SPAG16: variants seen among roughly 807,000 people sequenced by gnomAD.
SPAG16 encodes sperm-associated antigen 16 protein.
In SPAG16, 86 loss-of-function variants were observed where a neutral mutation model predicts 80.4. That is an observed-to-expected ratio of 1.07 (90% CI 0.90 to 1.28). The LOEUF (loss-of-function observed/expected upper bound fraction) is 1.28. SPAG16 is among the 50% of genes most tolerant of loss of function. The pLI is 0.00. For synonymous variants in SPAG16, 294 were observed against 265.9 expected, an observed-to-expected ratio of 1.11 and a Z score of -1.03; for missense variants, 870 against 765.3, an observed-to-expected ratio of 1.14 and a Z score of -1.61.
At chr2:214,140,829 C>T (rs1370874226) in intron 14 of SPAG16, among the ~76,000 whole-genome samples, 2 of 149,572 alleles carry the variant, frequency 1.3e-5, no homozygotes, top group Non-Finnish European at 3.0e-5. Flanking sequence ...ATTGTTTCTG[C>T]TTGTTTTTAA....
chr2:213,648,603 C>G (rs2062911393), intron 10 of SPAG16, among the ~76,000 whole-genome samples: 1 of 152,066 alleles, frequency 6.6e-6, no homozygotes, highest in Non-Finnish European at 1.5e-5. Flanking sequence ...CAGACACACA[C>G]ACACACACAC....
chr2:214,338,008 C>T (rs377420152), intron 15 of SPAG16, among the ~76,000 whole-genome samples: 33 of 151,886 alleles, frequency 2.2e-4, no homozygotes, highest in Admixed American at 8.5e-4. Flanking sequence ...TCTAAACTGG[C>T]GGAAATAACA....
chr2:213,712,346 A>G (rs145773967), intron 10 of SPAG16, among the ~76,000 whole-genome samples: 80 of 152,274 alleles, frequency 5.3e-4, no homozygotes, highest in South Asian at 2.9e-3. Flanking sequence ...ACATTGTTCT[A>G]TATCCTTTGA....
intron 10 of SPAG16, among the ~76,000 whole-genome samples, chr2:213,739,641 G>A (rs954770778): frequency 4.0e-5 from 6 of 151,828 alleles, no homozygotes; most frequent in Non-Finnish European, 7.4e-5. Flanking sequence ...TTGCTTTGTC[G>A]CCCAGGCTGG....
chr2:214,301,326 A>C (rs935675616), intron 15 of SPAG16, among the ~76,000 whole-genome samples: 4 of 151,750 alleles, frequency 2.6e-5, no homozygotes, highest in African/African-American at 9.7e-5. Flanking sequence ...TCAAAATAAT[A>C]AGAGCCATAT....
At chr2:213,853,480 A>G (rs2105916081) in intron 10 of SPAG16, among the ~76,000 whole-genome samples, 1 of 152,326 alleles carries the variant, frequency 6.6e-6, no homozygotes, top group South Asian at 2.1e-4. Flanking sequence ...ATAATATTTT[A>G]TGTAACATGC....
At chr2:213,601,419 A>G (rs1453071002) in intron 10 of SPAG16, among the ~76,000 whole-genome samples, 1 of 152,190 alleles carries the variant, frequency 6.6e-6, no homozygotes, top group Non-Finnish European at 1.5e-5. Context: ...ATGCATGTAT[A>G]TGTGTGTTTA....
chr2:213,471,347 TC>T (rs1404090466), intron 9 of SPAG16, among the ~76,000 whole-genome samples: 5 of 152,040 alleles, frequency 3.3e-5, no homozygotes, highest in African/African-American at 1.2e-4. Context: ...ATATACCACT[TC>T]CATTTGATGA....
chr2:213,824,389 T>C (rs183920728), intron 10 of SPAG16, among the ~76,000 whole-genome samples: 1 of 152,196 alleles, frequency 6.6e-6, no homozygotes, highest in African/African-American at 2.4e-5. Context: ...TAGGTTTAAG[T>C]CTTTAACCCA....
chr2:213,836,826 C>G (rs1345487798), intron 10 of SPAG16, among the ~76,000 whole-genome samples: 1 of 152,108 alleles, frequency 6.6e-6, no homozygotes, highest in Non-Finnish European at 1.5e-5. Context: ...GTTGGCCAGG[C>G]TGGTCTCAAA....
chr2:214,069,947 G>T (rs1472198825), intron 13 of SPAG16, among the ~76,000 whole-genome samples: 1 of 152,038 alleles, frequency 6.6e-6, no homozygotes. Context: ...ATAAACTGGA[G>T]ATTGTAACTT....
chr2:213,737,477 T>G (rs2067333475), intron 10 of SPAG16, among the ~76,000 whole-genome samples: 1 of 123,818 alleles, frequency 8.1e-6, no homozygotes, highest in Non-Finnish European at 1.7e-5. Flanking sequence ...TTCTCCTTAC[T>G]TTTTCTTTTT....
chr2:213,287,394 T>C (rs144688555), intron 1 of SPAG16, among the ~76,000 whole-genome samples: 33 of 152,306 alleles, frequency 2.2e-4, no homozygotes, highest in African/African-American at 7.7e-4. Flanking sequence ...CTAGTTCCAA[T>C]TGGAAGGCCA....
At chr2:213,751,280 C>T (rs901647113) in intron 10 of SPAG16, among the ~76,000 whole-genome samples, 5 of 152,220 alleles carry the variant, frequency 3.3e-5, no homozygotes, top group African/African-American at 7.2e-5. Context: ...TTCTCCTCCA[C>T]GTATGGTTGC....
At chr2:213,475,839 C>T (rs73083216) in intron 9 of SPAG16, among the ~76,000 whole-genome samples, 1,655 of 152,292 alleles carry the variant, frequency 0.011, 32 homozygotes, top group African/African-American at 0.038. Context: ...AACTGGGGAC[C>T]TGGCCTAATA....
Position 213,697,482 on chromosome 2 carries a change from T to C in SPAG16, c.1071-165003T>C, listed in dbSNP as rs1306230624. Among the ~76,000 whole-genome samples the C allele has an allele frequency of 2.6e-5, 4 of 152,272 alleles. 1 individual carries two copies. The highest frequency in any genetic ancestry group is 9.6e-5 in the African/African-American group (4 of 41,570). Reference sequence around the variant, plus strand: ...TGGAATCTATGAATGTTACCTTATATGACAAAAGAGACTTTGCAGATGTGA... The same window carrying C: ...TGGAATCTATGAATGTTACCTTATACGACAAAAGAGACTTTGCAGATGTGA... On this transcript the variant is annotated intron_variant, in intron 10 of 15. Coordinates refer to ENST00000331683, the MANE Select transcript of SPAG16 (RefSeq NM_024532.5).
chr2:213,676,102 G>A (rs568078679), intron 10 of SPAG16, among the ~76,000 whole-genome samples: 43 of 150,098 alleles, frequency 2.9e-4, no homozygotes, highest in Middle Eastern at 6.9e-3. Flanking sequence ...GGTCCTTCAC[G>A]TCCCTTGTAA....
At chr2:214,072,616 G>C (rs914526450) in intron 13 of SPAG16, among the ~76,000 whole-genome samples, 8 of 152,072 alleles carry the variant, frequency 5.3e-5, no homozygotes, top group Non-Finnish European at 1.2e-4. Flanking sequence ...TGAGTTTGAA[G>C]ATAGAAATGT....
intron 11 of SPAG16, among the ~76,000 whole-genome samples, chr2:213,925,784 C>CAT (rs1207096074): frequency 6.6e-6 from 1 of 152,174 alleles, no homozygotes; most frequent in African/African-American, 2.4e-5. Flanking sequence ...ATAATGTAGT[C>CAT]ATCTTATGAG....
Sources: gnomAD v4.1 joint callset for allele counts (sites outside exome capture counted in the v4.1 genomes callset) on GRCh38, gnomAD v4.1.1 for gene constraint, MANE v1.5 for transcripts, NCBI Gene and HGNC (gene_info 2026-07-23, HGNC 2026-07-21) for gene names.